TBX1: variants seen among roughly 807,000 people sequenced by gnomAD.
TBX1 encodes the protein T-box transcription factor 1, also known as T-box transcription factor TBX1.
TBX1 carries 16 observed loss-of-function variants against 40.8 expected under a neutral mutation model. The observed-to-expected ratio is 0.39, with a 90% confidence interval of 0.27 to 0.60. The LOEUF (loss-of-function observed/expected upper bound fraction) is 0.60. Ranked by LOEUF, TBX1 falls within the 20% of genes least tolerant of loss-of-function variation. The pLI is 0.51. For missense variants in TBX1, 755 were observed against 728.5 expected, an observed-to-expected ratio of 1.04 and a Z score of -0.42; for synonymous variants, 403 against 336.8, an observed-to-expected ratio of 1.20 and a Z score of -2.15.
chr22:19,762,495 C>A (rs894844827), intron 1 of TBX1, among the ~76,000 whole-genome samples: 3 of 152,250 alleles, frequency 2.0e-5, no homozygotes, highest in Non-Finnish European at 4.4e-5. Flanking sequence ...CCCGTCCAGG[C>A]ACTGCAGAAT....
chr22:19,777,636 TC>T (rs1354452128), intron 8 of TBX1, among the ~76,000 whole-genome samples: 1 of 152,210 alleles, frequency 6.6e-6, no homozygotes, highest in Non-Finnish European at 1.5e-5. Flanking sequence ...CCATGCCTTC[TC>T]GTCTGTTTTG....
chr22:19,763,646 C>G, intron 2 of TBX1: 1 of 467,558 alleles, frequency 2.1e-6, no homozygotes, highest in Admixed American at 3.5e-5. Context: ...AAGTCTCCCT[C>G]TCCCAGGAGG....
chr22:19,767,439 A>G (rs41299346), downstream of TBX1: 722 of 966,118 alleles, frequency 7.5e-4, 8 homozygotes, highest in African/African-American at 0.011. Context: ...CCCAGCCCCA[A>G]TCCCTGCCGA....
chr22:19,773,736 C>T (rs143933683), intron 8 of TBX1, among the ~76,000 whole-genome samples: 7 of 152,350 alleles, frequency 4.6e-5, no homozygotes, highest in South Asian at 2.1e-4. Context: ...CCAGGCATCT[C>T]GGCATCCTGA....
Position 19,764,043 on chromosome 22 carries a change from A to G in TBX1, c.540-112A>G, listed in dbSNP as rs558462293. 62 of 1,235,748 alleles carry G rather than the reference A, an allele frequency of 5.0e-5. No homozygotes were observed. The South Asian group carries it at 7.6e-4, about 15-fold the overall frequency. 76.5% of individuals were successfully genotyped at this position (1,235,748 alleles called of 1,614,324 possible). Reference sequence around the variant, plus strand: ...AGCACATGCGGCAGCAGAGGGTTCAATCTCACAGGTGGGGAAACTTCTCAA... The same window carrying G: ...AGCACATGCGGCAGCAGAGGGTTCAGTCTCACAGGTGGGGAAACTTCTCAA... On this transcript the variant is annotated intron_variant, in intron 2 of 6. Transcript: ENST00000649276.
downstream of TBX1, among the ~76,000 whole-genome samples, chr22:19,780,774 C>CTTTTTTTTTTT (rs1569032654): frequency 1.8e-5 from 2 of 109,512 alleles, no homozygotes; most frequent in African/African-American, 8.0e-5. Flanking sequence ...CACTTGTTTT[C>CTTTTTTTTTTT]TGTTTTTTTT....
At chr22:19,759,782 GGGCTCCAGGCTTCT>G, upstream of TBX1, 1 of 1,336,016 alleles carries the variant, frequency 7.5e-7, no homozygotes, top group Non-Finnish European at 1.1e-6. Flanking sequence ...TTGGTAGCGT[GGGCTCCAGGCTTCT>G]GGCTGCGATT....
chr22:19,771,899 G>A (rs1313120972), downstream of TBX1, among the ~76,000 whole-genome samples: 2 of 152,214 alleles, frequency 1.3e-5, no homozygotes, highest in East Asian at 1.9e-4. Flanking sequence ...CTCGGGCAAC[G>A]CTGGGTGCCA....
Position 19,761,058 on chromosome 22 carries a change from C to T in TBX1, c.215C>T (p.Pro72Leu), listed in dbSNP as rs975164324. The stretch of plus-strand genomic sequence containing the variant: ...GCCGCCGCCCCCGGCGCCCCGGGCC[C>T]GCCGCCGCCGCCGCACGCCTACCCG... ...CAAAAPGAPG[P>L]PPPPHAYPFA... The change falls in exon 1 of 7, where the codon CCG becomes CTG. Residue 72 changes from proline (P) to leucine (L), a missense_variant. Pro to Leu is a moderately conservative substitution (Grantham distance 98, BLOSUM62 -3). Around this residue, in one of 3 missense-constraint regions of TBX1, gnomAD observed 199 missense variants for 173.0 expected, o/e 1.15. Coordinates refer to ENST00000649276, the MANE Select transcript of TBX1 (RefSeq NM_001379200.1). 1.3e-6 allele frequency: 1 copy of T among 782,098 alleles called. No individual in the cohort carries two copies. Among genetic ancestry groups the T allele is most frequent in the Non-Finnish European group, 1.5e-6 (1 of 647,222 alleles). The allele number at this position is 782,098 out of a possible 1,614,324, so 48.4% of individuals were successfully genotyped here. A position where few individuals can be genotyped will look rare whatever the true frequency, so the allele number is the denominator to read the frequency against.
At chr22:19,779,817 C>T (rs891246955), downstream of TBX1, among the ~76,000 whole-genome samples, 3 of 152,232 alleles carry the variant, frequency 2.0e-5, no homozygotes, top group Non-Finnish European at 2.9e-5. Context: ...CTTTCTCCGA[C>T]GTGCTCTTAG....
intron 6 of TBX1, 44 bp downstream of exon 6, chr22:19,766,046 C>G (rs1319708271): frequency 7.0e-7 from 1 of 1,432,762 alleles, no homozygotes; most frequent in African/African-American, 1.5e-5. Context: ...CCTGTGCGCG[C>G]TCTACCCCGG....
At position 19,766,769 on chromosome 22, in the gene TBX1, G is replaced by A; in HGVS notation, c.1417G>A (p.Ala473Thr). Residue 473 changes from alanine to threonine, a missense_variant, in exon 7 of 7, where the codon GCG (alanine) becomes ACG (threonine). Physicochemically the swap from Ala to Thr is moderately conservative, Grantham distance 58. Transcript: ENST00000649276. The part of the protein sequence containing the change: ...HHHHPVSPAA[A>T]AAAAAAAAAA... Reference sequence around the variant, plus strand: ...CCACCACCCCGTGAGTCCAGCCGCCGCGGCCGCCGCCGCCGCTGCCGCAGC... The same window carrying A: ...CCACCACCCCGTGAGTCCAGCCGCCACGGCCGCCGCCGCCGCTGCCGCAGC... 1 of 1,473,680 alleles carries A rather than the reference G, an allele frequency of 6.8e-7. No homozygotes were observed. Among genetic ancestry groups the A allele is most frequent in the South Asian group, 1.3e-5 (1 of 75,608 alleles). The allele number at this position is 1,473,680 out of a possible 1,614,324, so 91.3% of individuals were successfully genotyped here. A position where few individuals can be genotyped will look rare whatever the true frequency, so the allele number is the denominator to read the frequency against.
chr22:19,759,421 C>G (rs2145824070), upstream of TBX1: 1 of 1,283,900 alleles, frequency 7.8e-7, no homozygotes, highest in East Asian at 3.1e-5. Flanking sequence ...ACTCCGTGGG[C>G]TGGGCTGGGC....
chr22:19,781,009 C>A (rs1937137829), downstream of TBX1, among the ~76,000 whole-genome samples: 1 of 152,072 alleles, frequency 6.6e-6, no homozygotes, highest in Non-Finnish European at 1.5e-5. Context: ...GTCTCGATCT[C>A]CTGACCTCGT....
chr22:19,763,642 C>T, intron 2 of TBX1: 1 of 470,812 alleles, frequency 2.1e-6, no homozygotes, highest in Non-Finnish European at 3.9e-6. Context: ...CTTCAAGTCT[C>T]CCTCTCCCAG....
At chr22:19,759,714 C>T, upstream of TBX1, 1 of 1,609,576 alleles carries the variant, frequency 6.2e-7, no homozygotes, top group Non-Finnish European at 8.5e-7. Context: ...GGCCCGCCCG[C>T]CAGACCCCCT....
intron 8 of TBX1, chr22:19,779,211 G>C (rs748603633): frequency 5.6e-6 from 9 of 1,614,048 alleles, no homozygotes; most frequent in Non-Finnish European, 7.6e-6. Flanking sequence ...GGATGGGGTT[G>C]TCACCCAGGT....
chr22:19,764,071 G>A, intron 2 of TBX1, 84 bp from the exon 3 acceptor site: 2 of 1,506,112 alleles, frequency 1.3e-6, no homozygotes, highest in Non-Finnish European at 1.8e-6. Flanking sequence ...CTTCTCAAAG[G>A]CACTTTTAGG....
rs1057523372 is a variant in TBX1, at chr22:19,764,188, G to C, written c.573G>C (p.Ala191=). Reference sequence around the variant, plus strand: ...TCCACAGCTCCTCCTGGCTGGTGGCGGGGAAGGCCGACCCTGCCACGCCAG... The same window carrying C: ...TCCACAGCTCCTCCTGGCTGGTGGCCGGGAAGGCCGACCCTGCCACGCCAG... The part of the protein sequence containing the change: ...YAFHSSSWLV[A]GKADPATPGR... The change falls in exon 3 of 7, where the codon GCG becomes GCC. Residue 191 remains alanine (A), a synonymous_variant. Transcript: ENST00000649276. 2 of 1,612,630 alleles carry C rather than the reference G, an allele frequency of 1.2e-6. No individual in the cohort carries two copies. Among genetic ancestry groups the C allele is most frequent in the Non-Finnish European group, 1.7e-6 (2 of 1,179,884 alleles).
Sources: allele counts gnomAD v4.1 joint callset (sites outside exome capture counted in the v4.1 genomes callset), GRCh38; gene constraint gnomAD v4.1.1; regional missense constraint gnomAD v4.1.1; transcripts MANE v1.5; gene names NCBI Gene and HGNC (gene_info 2026-07-23, HGNC 2026-07-21).